Variants in CTPS2 observed in about 807,000 individuals in gnomAD.
CTPS2 encodes CTP synthase II.
A neutral mutation model predicts 46.8 loss-of-function variants in CTPS2; 19 were observed. The observed-to-expected ratio is 0.41, with a 90% CI of 0.28 to 0.60. The LOEUF (loss-of-function observed/expected upper bound fraction) is 0.60. Ranked by LOEUF, CTPS2 falls within the 20% of genes least tolerant of loss-of-function variation. The probability of loss-of-function intolerance (pLI) is 0.35; values close to 1 mark genes in which losing one functional copy is unlikely to be tolerated. For synonymous variants in CTPS2, 151 were observed against 165.2 expected, an observed-to-expected ratio of 0.91 and a Z score of 0.66; for missense variants, 286 against 447.6, an observed-to-expected ratio of 0.64 and a Z score of 3.26.
chrX:16,658,911 G>A (rs1932880714), intron 13 of CTPS2, among the ~76,000 whole-genome samples: 1 of 112,176 alleles, frequency 8.9e-6, no homozygotes, highest in Admixed American at 9.5e-5. Context: ...CATGTATGGC[G>A]CTACACAGTC....
intron 8 of CTPS2, among the ~76,000 whole-genome samples, chrX:16,684,134 T>C (rs1369656432): frequency 9.0e-6 from 1 of 111,563 alleles, no homozygotes; most frequent in East Asian, 2.8e-4. Context: ...GAAGGTGTTT[T>C]AGGGCTTTGA....
At chrX:16,631,260 A>T (rs1460943189) in intron 14 of CTPS2, among the ~76,000 whole-genome samples, 1 of 110,002 alleles carries the variant, frequency 9.1e-6, no homozygotes, top group Admixed American at 9.7e-5. Context: ...AGATAGGAGA[A>T]TTGCTTGAAC....
chrX:16,605,108 C>A (rs970653729), intron 17 of CTPS2, among the ~76,000 whole-genome samples: 6 of 111,643 alleles, frequency 5.4e-5, no homozygotes, highest in African/African-American at 2.0e-4. Flanking sequence ...TTTTGCTGGG[C>A]TTAGGCTGTT....
chrX:16,709,143 T>C (rs1284408666), intron 1 of CTPS2, among the ~76,000 whole-genome samples: 1 of 110,822 alleles, frequency 9.0e-6, no homozygotes, highest in Non-Finnish European at 1.9e-5. Context: ...AAAATGCTTA[T>C]GTGGCCGGGC....
chrX:16,675,741 C>T (rs1922216177), intron 10 of CTPS2, among the ~76,000 whole-genome samples: 1 of 111,667 alleles, frequency 9.0e-6, no homozygotes, highest in Non-Finnish European at 1.9e-5. Context: ...AGAACTCTAA[C>T]AGCTGTTCTT....
chrX:16,631,396 G>A (rs1001832869), intron 14 of CTPS2, among the ~76,000 whole-genome samples: 3 of 110,679 alleles, frequency 2.7e-5, no homozygotes, highest in African/African-American at 6.6e-5. Context: ...GCATGTGGCT[G>A]TAGTCCCAAC....
At chrX:16,648,060 G>A (rs750207238) in intron 13 of CTPS2, among the ~76,000 whole-genome samples, 2 of 111,617 alleles carry the variant, frequency 1.8e-5, no homozygotes, top group African/African-American at 6.5e-5. Flanking sequence ...CTGTGTTCAC[G>A]CCACTGCACT....
At chrX:16,683,326 C>A in intron 8 of CTPS2, 100 bp from the exon 9 acceptor site, 1 of 887,956 alleles carries the variant, frequency 1.1e-6, no homozygotes, top group Non-Finnish European at 1.6e-6. Flanking sequence ...CTTTTTAAAT[C>A]CTCGGGAGCA....
chrX:16,633,763 G>C (rs908390316), intron 14 of CTPS2, among the ~76,000 whole-genome samples: 2 of 111,737 alleles, frequency 1.8e-5, no homozygotes, highest in African/African-American at 6.5e-5. Context: ...ACAGCAAGAA[G>C]AAAAATAATC....
intron 14 of CTPS2, among the ~76,000 whole-genome samples, chrX:16,621,780 A>G (rs1001750386): frequency 1.8e-5 from 2 of 111,972 alleles, no homozygotes; most frequent in African/African-American, 3.2e-5. Context: ...CTTTCTTTGC[A>G]TCTTGTTTGA....
chrX:16,674,445 A>G (rs901151857), intron 10 of CTPS2, among the ~76,000 whole-genome samples: 4 of 110,902 alleles, frequency 3.6e-5, no homozygotes, highest in Non-Finnish European at 5.7e-5. Context: ...TTACAGGCGT[A>G]AGCCACCGCA....
chrX:16,673,769 G>A (rs1473913441), intron 10 of CTPS2, among the ~76,000 whole-genome samples: 1 of 111,735 alleles, frequency 8.9e-6, no homozygotes, highest in African/African-American at 3.2e-5. Context: ...TCAGATATTA[G>A]GTTTTCTCAA....
chrX:16,678,711 C>T (rs1366724298), intron 9 of CTPS2, among the ~76,000 whole-genome samples: 1 of 110,143 alleles, frequency 9.1e-6, no homozygotes, highest in Non-Finnish European at 1.9e-5. Context: ...GCAGAAGTAA[C>T]TTGGGGTCAA....
chrX:16,694,203 T>G (rs1237708053), intron 4 of CTPS2, among the ~76,000 whole-genome samples: 1 of 111,689 alleles, frequency 9.0e-6, no homozygotes, highest in Non-Finnish European at 1.9e-5. Context: ...TCAAATCTCC[T>G]TAATGCAGCC....
chrX:16,636,967 T>C (rs1435336283), intron 14 of CTPS2, among the ~76,000 whole-genome samples: 1 of 112,196 alleles, frequency 8.9e-6, no homozygotes. Flanking sequence ...ACACTACTAA[T>C]AGACAAATTA....
chrX:16,645,786 T>C (rs1932293348), intron 13 of CTPS2, among the ~76,000 whole-genome samples: 1 of 112,862 alleles, frequency 8.9e-6, no homozygotes, highest in Non-Finnish European at 1.9e-5. Context: ...ATAAGGGCTC[T>C]GCCCCCATGA....
Position 16,675,137 on chromosome X carries a change from G to A in CTPS2, c.1094+3225C>T, listed in dbSNP as rs147018306. On this transcript the variant is annotated intron_variant, in intron 10 of 18. Transcript: ENST00000359276. ...AAAAAAATTAGTCAGGCATGATGGCGGGTGCCTGTAATCCCAGCTACTCGG... is the reference window on the plus strand; with the variant it reads ...AAAAAAATTAGTCAGGCATGATGGCAGGTGCCTGTAATCCCAGCTACTCGG... Among the ~76,000 whole-genome samples, 1,047 of 108,452 alleles carry A rather than the reference G, an allele frequency of 9.7e-3. 5 individuals are homozygous for A. The highest frequency in any genetic ancestry group is 0.016 in the Non-Finnish European group (846 of 52,198). 94.2% of individuals were successfully genotyped at this position (108,452 alleles called of 115,157 possible).
At chrX:16,691,423 G>C (rs956410380) in intron 7 of CTPS2, 117 bp downstream of exon 7, 28 of 576,330 alleles carry the variant, frequency 4.9e-5, no homozygotes, top group Non-Finnish European at 7.1e-5. Flanking sequence ...GTTGGATCAG[G>C]GTTCCCCAGT....
rs964427569 is a variant in CTPS2, at chrX:16,702,794, T to C, written c.109A>G (p.Ile37Val). The C allele has an allele frequency of 5.0e-6, 6 of 1,208,148 alleles. No homozygotes were observed. Among genetic ancestry groups the C allele is most frequent in the South Asian group, 3.5e-5 (2 of 56,771 alleles). ...ATGTTAATATAGGGGTCGATTTTTA[T>C]GGCAGTAACTCGGAGTCCACATGAT... ...LKSCGLRVTAIKIDPYINIDA... is the reference protein window; with the variant it reads ...LKSCGLRVTAVKIDPYINIDA... Residue 37 changes from isoleucine to valine, a missense_variant, in exon 2 of 19, where the codon ATA becomes GTA. Physicochemically the swap from Ile to Val is conservative, Grantham distance 29. Transcript: ENST00000359276.
Sources: allele counts gnomAD v4.1 joint callset (sites outside exome capture counted in the v4.1 genomes callset), GRCh38; gene constraint gnomAD v4.1.1; transcripts MANE v1.5; gene names NCBI Gene and HGNC (gene_info 2026-07-23, HGNC 2026-07-21).